Variants in GRID2 observed in about 807,000 individuals in gnomAD.
The protein encoded by GRID2 is glutamate receptor ionotropic, delta-2.
A neutral mutation model predicts 114.8 loss-of-function variants in GRID2; 33 were observed. That is an observed-to-expected ratio of 0.29 (90% CI 0.22 to 0.38). The LOEUF (loss-of-function observed/expected upper bound fraction) is 0.38. Ranked by LOEUF, GRID2 falls within the 10% of genes least tolerant of loss-of-function variation. The pLI, the probability that GRID2 is intolerant of heterozygous loss-of-function variation, is 1.00. For missense variants in GRID2, 1,184 were observed against 1,257.7 expected, an observed-to-expected ratio of 0.94 and a Z score of 0.89; for synonymous variants, 505 against 449.9, an observed-to-expected ratio of 1.12 and a Z score of -1.55.
intron 14 of GRID2, among the ~76,000 whole-genome samples, chr4:93,652,584 G>T (rs1316190707): frequency 6.6e-6 from 1 of 151,710 alleles, no homozygotes; most frequent in African/African-American, 2.4e-5. Context: ...AGGCTATACG[G>T]TCTAGGTTTG....
intron 1 of GRID2, among the ~76,000 whole-genome samples, chr4:92,328,705 G>A (rs1347552609): frequency 3.3e-5 from 5 of 151,992 alleles, no homozygotes; most frequent in African/African-American, 1.2e-4. Flanking sequence ...GTTAGCTTAA[G>A]GAACTAAAAA....
intron 13 of GRID2, among the ~76,000 whole-genome samples, chr4:93,563,577 A>G (rs1306116959): frequency 6.6e-6 from 1 of 152,006 alleles, no homozygotes; most frequent in Non-Finnish European, 1.5e-5. Context: ...TAAAGATTGT[A>G]TTAGAGTTCC....
At chr4:93,517,953 ATATGTATGTATATACATACATG>A (rs1560706086) in intron 13 of GRID2, among the ~76,000 whole-genome samples, 4 of 41,750 alleles carry the variant, frequency 9.6e-5, no homozygotes, top group Non-Finnish European at 2.5e-4. Context: ...ACATACATGT[ATATGTATGTATATACATACATG>A]TACATGTATG....
chr4:92,334,244 T>A (rs1727049673), intron 1 of GRID2, among the ~76,000 whole-genome samples: 1 of 152,176 alleles, frequency 6.6e-6, no homozygotes, highest in African/African-American at 2.4e-5. Context: ...ACCACTTAAG[T>A]AATCCCTAAG....
At chr4:92,511,468 G>A (rs2149131921) in intron 1 of GRID2, among the ~76,000 whole-genome samples, 1 of 151,806 alleles carries the variant, frequency 6.6e-6, no homozygotes, top group South Asian at 2.1e-4. Flanking sequence ...ATCCAATCTG[G>A]TACACTTCTG....
intron 2 of GRID2, among the ~76,000 whole-genome samples, chr4:92,926,761 G>A (rs972133173): frequency 1.3e-5 from 2 of 151,856 alleles, no homozygotes; most frequent in Non-Finnish European, 2.9e-5. Context: ...TGGGAAGTCC[G>A]AGATTGAGAG....
At chr4:93,316,276 A>AAAAGAACG (rs1245535342) in intron 8 of GRID2, among the ~76,000 whole-genome samples, 3,219 of 57,074 alleles carry the variant, frequency 0.056, 94 homozygotes, top group Middle Eastern at 0.17. Flanking sequence ...AGAAAGAAAG[A>AAAAGAACG]AAAGAACGAA....
chr4:93,057,916 T>A (rs1727415044), intron 2 of GRID2, among the ~76,000 whole-genome samples: 1 of 151,992 alleles, frequency 6.6e-6, no homozygotes, highest in South Asian at 2.1e-4. Context: ...TTTACTCAAT[T>A]CGTCATTCCC....
At chr4:92,542,563 T>A (rs1024575276) in intron 1 of GRID2, among the ~76,000 whole-genome samples, 1 of 151,854 alleles carries the variant, frequency 6.6e-6, no homozygotes, top group Non-Finnish European at 1.5e-5. Flanking sequence ...TTCTCACTTA[T>A]AAGTGAGAGC....
intron 3 of GRID2, among the ~76,000 whole-genome samples, chr4:93,104,459 C>G (rs1187444704): frequency 6.6e-6 from 1 of 151,522 alleles, no homozygotes; most frequent in Non-Finnish European, 1.5e-5. Context: ...CCTCCCCACT[C>G]CCCCCACCCC....
chr4:92,346,434 G>A (rs750648354), intron 1 of GRID2, among the ~76,000 whole-genome samples: 2 of 152,018 alleles, frequency 1.3e-5, no homozygotes, highest in African/African-American at 4.8e-5. Context: ...GTGCAGTCTC[G>A]GCTCACTGCA....
At chr4:92,851,731 G>A (rs1268617509) in intron 2 of GRID2, among the ~76,000 whole-genome samples, 2 of 151,860 alleles carry the variant, frequency 1.3e-5, no homozygotes, top group Non-Finnish European at 2.9e-5. Context: ...AACTCTAAAT[G>A]CCATGCTTTC....
chr4:93,445,808 A>T (rs1215469809), intron 10 of GRID2, among the ~76,000 whole-genome samples: 1 of 152,056 alleles, frequency 6.6e-6, no homozygotes, highest in Non-Finnish European at 1.5e-5. Context: ...AGAAATTTTT[A>T]AAATTTTTGA....
chr4:93,205,619 C>T (rs898107505), intron 4 of GRID2, among the ~76,000 whole-genome samples: 55 of 152,226 alleles, frequency 3.6e-4, no homozygotes, highest in Non-Finnish European at 3.2e-4. Flanking sequence ...GATAAACATA[C>T]GTGTGCATGT....
intron 1 of GRID2, among the ~76,000 whole-genome samples, chr4:92,316,856 C>T (rs1726009790): frequency 6.6e-6 from 1 of 152,118 alleles, no homozygotes; most frequent in Non-Finnish European, 1.5e-5. Flanking sequence ...TCTCATTTCT[C>T]AGCTTTCTGA....
At chr4:93,074,057 G>A (rs1347155744) in intron 2 of GRID2, among the ~76,000 whole-genome samples, 2 of 152,192 alleles carry the variant, frequency 1.3e-5, no homozygotes, top group Non-Finnish European at 2.9e-5. Flanking sequence ...GGGAGAAAAA[G>A]AAACACTGAG....
In GRID2 at chr4:92,758,593, A is replaced by G. The variant is rs566943414; in HGVS notation, c.244+168307A>G. ...GTAAACAGCTTGAGTTTGAACCTGAACTCCGCTGCTGATTAGCTGTGAGGA... is the reference window on the plus strand; with the variant it reads ...GTAAACAGCTTGAGTTTGAACCTGAGCTCCGCTGCTGATTAGCTGTGAGGA... On this transcript the variant is annotated intron_variant, in intron 2 of 15. Coordinates refer to ENST00000282020, the MANE Select transcript of GRID2 (RefSeq NM_001510.4). Among the ~76,000 whole-genome samples, 138 of 152,128 alleles carry G rather than the reference A, an allele frequency of 9.1e-4. 2 individuals carry two copies. Among genetic ancestry groups the G allele is most frequent in the Middle Eastern group, 3.4e-3 (1 of 294 alleles).
chr4:93,585,335 G>A (rs1737418518), intron 13 of GRID2, among the ~76,000 whole-genome samples: 1 of 152,098 alleles, frequency 6.6e-6, no homozygotes, highest in Non-Finnish European at 1.5e-5. Context: ...TTGGCACCCA[G>A]CAAGTGGAAA....
At chr4:93,802,396 G>A (rs1293946296) in intron 1 of GRID2, among the ~76,000 whole-genome samples, 1 of 151,492 alleles carries the variant, frequency 6.6e-6, no homozygotes, top group East Asian at 1.9e-4. Flanking sequence ...GTGTGTGTGA[G>A]TGTGTGTGTG....
Sources: allele counts gnomAD v4.1 joint callset (sites outside exome capture counted in the v4.1 genomes callset), GRCh38; gene constraint gnomAD v4.1.1; transcripts MANE v1.5; gene names NCBI Gene and HGNC (gene_info 2026-07-23, HGNC 2026-07-21).